The following FRMD6 variants were observed in gnomAD, a reference collection of about 807,000 sequenced individuals.
The protein encoded by FRMD6 is FERM domain containing 6.
Under a neutral mutation model 73.2 loss-of-function variants are expected in FRMD6, and 37 were observed. The ratio of observed to expected loss-of-function variants is 0.51; its 90% CI spans 0.39 to 0.66. The LOEUF is 0.66. Among genes scored for constraint, FRMD6 ranks in the 30% least tolerant of loss-of-function variants. FRMD6 has a pLI of 0.00. For missense variants in FRMD6, 714 were observed against 780.5 expected, an observed-to-expected ratio of 0.91 and a Z score of 1.02; for synonymous variants, 273 against 282.2, an observed-to-expected ratio of 0.97 and a Z score of 0.33.
At chr14:51,669,600 A>G (rs1455810167) in intron 1 of FRMD6, among the ~76,000 whole-genome samples, 4 of 152,086 alleles carry the variant, frequency 2.6e-5, no homozygotes, top group African/African-American at 9.7e-5. Flanking sequence ...GCATTTTCCT[A>G]ATGACTAATA....
chr14:51,416,938 G>A, the FRMD6 span, among the ~76,000 whole-genome samples: 2 of 152,098 alleles, frequency 1.3e-5, no homozygotes, highest in South Asian at 4.2e-4. Flanking sequence ...GATCTTTGTT[G>A]GTTCAAAGTC....
the FRMD6 span, among the ~76,000 whole-genome samples, chr14:51,401,418 G>A: frequency 3.9e-5 from 6 of 152,110 alleles, no homozygotes; most frequent in East Asian, 1.9e-4. Context: ...TGGGTTTGGC[G>A]GACACAAACA....
At chr14:51,701,264 T>C (rs957114842) in intron 4 of FRMD6, 105 bp downstream of exon 4, 3 of 491,056 alleles carry the variant, frequency 6.1e-6, no homozygotes, top group Non-Finnish European at 7.1e-6. Context: ...TTATGTACTA[T>C]ACTATATTTT....
At chr14:51,720,497 A>C in intron 11 of FRMD6, 107 bp downstream of exon 11, 1 of 974,392 alleles carries the variant, frequency 1.0e-6, no homozygotes, top group Non-Finnish European at 1.6e-6. Context: ...AGTAGTAATA[A>C]AGTGGAAGAG....
intron 2 of FRMD6, among the ~76,000 whole-genome samples, chr14:51,694,381 C>T (rs1489448946): frequency 1.3e-5 from 2 of 152,108 alleles, no homozygotes; most frequent in Non-Finnish European, 2.9e-5. Flanking sequence ...GGATCACATA[C>T]TATTTTAATT....
chr14:51,445,888 G>A, the FRMD6 span, among the ~76,000 whole-genome samples: 41 of 152,280 alleles, frequency 2.7e-4, no homozygotes, highest in South Asian at 5.0e-3. Context: ...TGCTTCTTGC[G>A]TATACTACAT....
chr14:51,544,221 A>G (rs892141669), intron 1 of FRMD6, among the ~76,000 whole-genome samples: 5 of 152,040 alleles, frequency 3.3e-5, no homozygotes, highest in Non-Finnish European at 4.4e-5. Context: ...TCCTACCTAA[A>G]TAAAGTTAAT....
At chr14:51,446,145 G>A in the FRMD6 span, among the ~76,000 whole-genome samples, 1 of 152,184 alleles carries the variant, frequency 6.6e-6, no homozygotes, top group African/African-American at 2.4e-5. Flanking sequence ...CTGTGCTGGA[G>A]TTGTAGAAGA....
chr14:51,494,116 TGTCCCA>T (rs142238632), intron 1 of FRMD6, among the ~76,000 whole-genome samples: 8,807 of 152,214 alleles, frequency 0.058, 809 homozygotes, highest in African/African-American at 0.2. Flanking sequence ...AATATCATTC[TGTCCCA>T]GTCCCCCAAA....
intron 2 of FRMD6, among the ~76,000 whole-genome samples, chr14:51,609,541 G>C (rs551214440): frequency 6.6e-6 from 1 of 152,348 alleles, no homozygotes; most frequent in South Asian, 2.1e-4. Flanking sequence ...TCACCAGGCA[G>C]AGAAGGGGCA....
chr14:51,569,998 G>A (rs566159862), intron 1 of FRMD6, among the ~76,000 whole-genome samples: 18 of 151,900 alleles, frequency 1.2e-4, no homozygotes, highest in Admixed American at 2.6e-4. Context: ...TGTATTTTTA[G>A]TAGAGACGGG....
Position 51,728,302 on chromosome 14 carries a change from C to G in FRMD6, c.*273C>G. The G allele has an allele frequency of 2.6e-6, 1 of 378,026 alleles. No individual in the cohort carries two copies. Among genetic ancestry groups the G allele is most frequent in the Non-Finnish European group, 4.8e-6 (1 of 208,274 alleles). 23.4% of individuals were successfully genotyped at this position (378,026 alleles called of 1,614,324 possible). A position where few individuals can be genotyped will look rare whatever the true frequency, so the allele number is the denominator to read the frequency against. On this transcript the variant is annotated 3_prime_UTR_variant, in exon 14 of 14. Coordinates refer to ENST00000344768, the MANE Select transcript of FRMD6 (RefSeq NM_001267046.2). ...AAATGCGCTTTACTGATTGCAAAGC[C>G]TTCAGAATATTGGAGTGTGGTGTGT...
At chr14:51,555,679 G>A (rs140994389) in intron 1 of FRMD6, among the ~76,000 whole-genome samples, 1,857 of 152,110 alleles carry the variant, frequency 0.012, 31 homozygotes, top group African/African-American at 0.042. Context: ...GCATATGTCT[G>A]TAATCCCAGC....
At chr14:51,493,543 C>T (rs1168985685) in intron 1 of FRMD6, among the ~76,000 whole-genome samples, 1 of 152,180 alleles carries the variant, frequency 6.6e-6, no homozygotes, top group Admixed American at 6.6e-5. Context: ...TCTTCCTTTG[C>T]CTTCCACCAT....
intron 2 of FRMD6, among the ~76,000 whole-genome samples, chr14:51,603,724 G>A (rs937046089): frequency 6.6e-6 from 1 of 152,116 alleles, no homozygotes; most frequent in Non-Finnish European, 1.5e-5. Flanking sequence ...GGACTGAAGT[G>A]CTTGCTATCT....
intron 1 of FRMD6, among the ~76,000 whole-genome samples, chr14:51,656,471 T>C (rs1367296665): frequency 6.6e-6 from 1 of 151,670 alleles, no homozygotes; most frequent in African/African-American, 2.4e-5. Context: ...TGGAGTGCAA[T>C]GGCCTGATCT....
chr14:51,681,912 A>G (rs775138402), intron 1 of FRMD6, among the ~76,000 whole-genome samples: 4 of 152,198 alleles, frequency 2.6e-5, no homozygotes, highest in African/African-American at 4.8e-5. Context: ...GTTTGCAGTA[A>G]AAGCATTTTT....
intron 1 of FRMD6, among the ~76,000 whole-genome samples, chr14:51,687,133 AT>A (rs1386062374): frequency 6.6e-6 from 1 of 152,172 alleles, no homozygotes; most frequent in African/African-American, 2.4e-5. Flanking sequence ...TTGTACCCAA[AT>A]GAAAATTTCA....
At chr14:51,492,702 A>G (rs535524136) in intron 1 of FRMD6, among the ~76,000 whole-genome samples, 2 of 152,340 alleles carry the variant, frequency 1.3e-5, no homozygotes, top group African/African-American at 2.4e-5. Flanking sequence ...GAAGACTAAT[A>G]TTAATTGAAC....
Sources: allele counts gnomAD v4.1 joint callset (sites outside exome capture counted in the v4.1 genomes callset), GRCh38; gene constraint gnomAD v4.1.1; transcripts MANE v1.5; gene names NCBI Gene and HGNC (gene_info 2026-07-23, HGNC 2026-07-21).